The following GPC6 variants were observed in gnomAD, a reference collection of about 807,000 sequenced individuals.
The protein encoded by GPC6 is glypican-6.
In GPC6, 14 loss-of-function variants were observed where a neutral mutation model predicts 55.2. That is an observed-to-expected ratio of 0.25 (90% CI 0.17 to 0.40). GPC6 has a LOEUF of 0.40. Among genes scored for constraint, GPC6 ranks in the 10% least tolerant of loss-of-function variants. The probability of loss-of-function intolerance (pLI) is 1.00; values close to 1 mark genes in which losing one functional copy is unlikely to be tolerated. For synonymous variants in GPC6, 278 were observed against 259.6 expected (o/e 1.07, Z -0.68); for missense variants, 641 against 708.5 (o/e 0.90, Z 1.08).
intron 1 of GPC6, among the ~76,000 whole-genome samples, chr13:93,343,408 G>A (rs1437655606): frequency 6.6e-6 from 1 of 152,056 alleles, no homozygotes; most frequent in African/African-American, 2.4e-5. Context: ...TATTGCAAAG[G>A]CCCAGTATTT....
intron 3 of GPC6, among the ~76,000 whole-genome samples, chr13:93,944,900 G>T (rs1031112757): frequency 2.0e-5 from 3 of 152,086 alleles, no homozygotes; most frequent in African/African-American, 7.2e-5. Flanking sequence ...TTAATTTCTT[G>T]GTGTGTGTGT....
intron 3 of GPC6, among the ~76,000 whole-genome samples, chr13:93,928,906 G>C (rs1361207346): frequency 8.4e-6 from 1 of 119,040 alleles, no homozygotes; most frequent in Non-Finnish European, 1.7e-5. Flanking sequence ...TATATAGTAG[G>C]TGTGTGTGTG....
intron 1 of GPC6, among the ~76,000 whole-genome samples, chr13:93,439,893 A>G (rs2139286828): frequency 6.6e-6 from 1 of 152,172 alleles, no homozygotes; most frequent in South Asian, 2.1e-4. Context: ...TAACCTCTCT[A>G]AGCCTTAGTT....
chr13:93,669,473 C>A (rs78437252), intron 2 of GPC6, among the ~76,000 whole-genome samples: 1 of 152,092 alleles, frequency 6.6e-6, no homozygotes, highest in African/African-American at 2.4e-5. Flanking sequence ...CTTGTCAATT[C>A]GCTTGGTACC....
chr13:93,447,919 G>C (rs1297415951), intron 1 of GPC6, among the ~76,000 whole-genome samples: 1 of 152,140 alleles, frequency 6.6e-6, no homozygotes, highest in Non-Finnish European at 1.5e-5. Context: ...GATTTAATCA[G>C]GCATGTGCAT....
chr13:93,538,698 G>A (rs577033072), intron 1 of GPC6, among the ~76,000 whole-genome samples: 8 of 152,254 alleles, frequency 5.3e-5, no homozygotes, highest in Non-Finnish European at 8.8e-5. Context: ...AAGCAAAGTA[G>A]AGTTAAAGGA....
chr13:93,682,114 T>C (rs781429969), intron 2 of GPC6, among the ~76,000 whole-genome samples: 2 of 152,182 alleles, frequency 1.3e-5, no homozygotes, highest in African/African-American at 4.8e-5. Context: ...GACTGCTAGA[T>C]AATAAGCAGA....
intron 5 of GPC6, among the ~76,000 whole-genome samples, chr13:94,290,913 C>A (rs375942971): frequency 6.6e-6 from 1 of 152,056 alleles, no homozygotes; most frequent in African/African-American, 2.4e-5. Flanking sequence ...ATAGGGAGAC[C>A]GGGCATGGTG....
At chr13:93,506,807 G>A (rs1046597675) in intron 1 of GPC6, among the ~76,000 whole-genome samples, 1 of 149,678 alleles carries the variant, frequency 6.7e-6, no homozygotes, top group South Asian at 2.1e-4. Flanking sequence ...TTGGGAGGCC[G>A]AGGTGGGCGG....
intron 4 of GPC6, among the ~76,000 whole-genome samples, chr13:94,217,173 A>C (rs1165691947): frequency 6.6e-6 from 1 of 152,232 alleles, no homozygotes; most frequent in Non-Finnish European, 1.5e-5. Flanking sequence ...ATGAGGGGAC[A>C]GAATAACAAG....
At chr13:93,890,930 G>A (rs1232472929) in intron 3 of GPC6, among the ~76,000 whole-genome samples, 1 of 151,746 alleles carries the variant, frequency 6.6e-6, no homozygotes, top group Admixed American at 6.6e-5. Context: ...TATTAATGGG[G>A]CATTTGTTTT....
chr13:93,856,533 GCA>G (rs1345738994), intron 3 of GPC6, among the ~76,000 whole-genome samples: 9 of 151,590 alleles, frequency 5.9e-5, no homozygotes, highest in Non-Finnish European at 1.2e-4. Flanking sequence ...AAAAATATTT[GCA>G]CAGTTTACTC....
intron 1 of GPC6, among the ~76,000 whole-genome samples, chr13:93,386,489 T>C (rs1310963883): frequency 6.6e-6 from 1 of 151,992 alleles, no homozygotes; most frequent in Admixed American, 6.5e-5. Flanking sequence ...CAAGGGTCAA[T>C]AGTAACTTGC....
chr13:94,187,020 C>CA (rs1413695011), intron 4 of GPC6: 3 of 152,202 alleles, frequency 2.0e-5, no homozygotes. Context: ...AGATTATTAG[C>CA]ATTTGCACTG....
intron 5 of GPC6, among the ~76,000 whole-genome samples, chr13:94,290,870 G>T (rs1405251820): frequency 1.3e-5 from 2 of 152,156 alleles, no homozygotes; most frequent in Non-Finnish European, 2.9e-5. Flanking sequence ...ACATATCTTT[G>T]TAAGAAATGT....
At chr13:94,373,410 G>GA (rs1371361389) in intron 6 of GPC6, among the ~76,000 whole-genome samples, 1 of 152,102 alleles carries the variant, frequency 6.6e-6, no homozygotes, top group Non-Finnish European at 1.5e-5. Flanking sequence ...AGAACTACGT[G>GA]AAAAATGCAG....
intron 2 of GPC6, among the ~76,000 whole-genome samples, chr13:93,570,584 G>A (rs1047728209): frequency 3.3e-5 from 5 of 152,172 alleles, no homozygotes; most frequent in African/African-American, 9.6e-5. Context: ...CACTGTATTA[G>A]AAAAGTGAAT....
In GPC6 at chr13:93,631,311, C is replaced by T. The variant is rs534342771; in HGVS notation, c.319+85890C>T. On this transcript the variant is annotated intron_variant, in intron 2 of 8. Coordinates refer to ENST00000377047, the MANE Select transcript of GPC6 (RefSeq NM_005708.5). ...GGCATGAACTTCTGTGGCTCTACCC[C>T]AGTGCACACTCCTCCCAGTGCAGGT... Among the ~76,000 whole-genome samples the T allele has an allele frequency of 2.1e-3, 320 of 152,240 alleles. 3 individuals carry two copies. The highest frequency in any genetic ancestry group is 3.6e-3 in the Non-Finnish European group (242 of 68,032).
At chr13:93,440,286 C>G (rs189894514) in intron 1 of GPC6, among the ~76,000 whole-genome samples, 1 of 152,152 alleles carries the variant, frequency 6.6e-6, no homozygotes, top group Non-Finnish European at 1.5e-5. Context: ...CAATTACAGG[C>G]GAGAGTTTTG....
Sources: gnomAD v4.1 joint callset for allele counts (sites outside exome capture counted in the v4.1 genomes callset) on GRCh38, gnomAD v4.1.1 for gene constraint, MANE v1.5 for transcripts, NCBI Gene and HGNC (gene_info 2026-07-23, HGNC 2026-07-21) for gene names.